Variants in BRPF1 observed in about 807,000 individuals in gnomAD.
BRPF1 encodes bromodomain and PHD finger containing 1.
A neutral mutation model predicts 115.0 loss-of-function variants in BRPF1; 15 were observed. That is an observed-to-expected ratio of 0.13 (90% confidence interval 0.09 to 0.20). The LOEUF (loss-of-function observed/expected upper bound fraction) is 0.20, where lower values mean the gene tolerates loss of function less well. Ranked by LOEUF, BRPF1 falls within the 10% of genes least tolerant of loss-of-function variation. BRPF1 has a pLI of 1.00. For synonymous variants in BRPF1, 647 were observed against 619.8 expected (o/e 1.04, Z -0.65); for missense variants, 1,118 against 1,638.3 (o/e 0.68, Z 5.48).
At chr3:9,736,722 A>G (rs1170428369) in intron 2 of BRPF1, among the ~76,000 whole-genome samples, 1 of 152,224 alleles carries the variant, frequency 6.6e-6, no homozygotes, top group Non-Finnish European at 1.5e-5. Flanking sequence ...TATTGCATGG[A>G]ATTTGTTACC....
rs561984667 is a variant in BRPF1, at chr3:9,745,760, C to G, written c.3205+51C>G. Reference sequence around the variant, plus strand: ...GATGCTGGGGACCCAGTGTCAGGGTCTCGCCAGCCCCCCAGCTGCTGATCC... The same window carrying G: ...GATGCTGGGGACCCAGTGTCAGGGTGTCGCCAGCCCCCCAGCTGCTGATCC... On this transcript the variant is annotated intron_variant, in intron 11 of 13. Transcript: ENST00000383829. This position sits in a 1 kb window ranked among gnomAD's most constrained non-coding sequence, Gnocchi z 5.1. 6.2e-7 allele frequency: 1 copy of G among 1,610,816 alleles called. No individual in the cohort carries two copies. Among genetic ancestry groups the G allele is most frequent in the South Asian group, 1.1e-5 (1 of 91,016 alleles).
At chr3:9,732,787 G>A (rs1373479144) in intron 1 of BRPF1, 1 of 152,322 alleles carries the variant, frequency 6.6e-6, no homozygotes, top group Non-Finnish European at 1.5e-5. Flanking sequence ...GCCTGGTTAA[G>A]GCACAGGTGG....
intron 8 of BRPF1, among the ~76,000 whole-genome samples, 153 bp downstream of exon 8, chr3:9,744,054 C>G (rs1232699812): frequency 6.6e-6 from 1 of 152,212 alleles, no homozygotes; most frequent in Non-Finnish European, 1.5e-5. Flanking sequence ...TCTTAGCTGC[C>G]TCTCTGGCTA....
Position 9,747,214 on chromosome 3 carries a change from C to T in BRPF1, c.3528C>T (p.Asp1176=). The change falls in exon 14 of 14, where the codon GAC becomes GAT. Residue 1176 remains aspartate (D), a synonymous_variant. Transcript: ENST00000383829. The surrounding 1 kb of genome is among the most constrained non-coding windows in gnomAD (Gnocchi z 5.6). ...TKLVPLGVNQ[D]LDKEKMLEGR... Reference sequence around the variant, plus strand: ...TGGTTCCTCTGGGTGTGAACCAGGACCTAGACAAGGAGAAGATGCTGGAGG... The same window carrying T: ...TGGTTCCTCTGGGTGTGAACCAGGATCTAGACAAGGAGAAGATGCTGGAGG... 6.2e-7 allele frequency: 1 copy of T among 1,614,136 alleles called. No individual in the cohort carries two copies.
chr3:9,747,169 G>A lies in BRPF1; in HGVS notation c.3483G>A (p.Gln1161=). The part of the protein sequence containing the change: ...VLFFDNKRTW[Q]WLPRTKLVPL... Reference sequence around the variant, plus strand: ...TGATCTTCACCTTATCCTATAGGCAGTGGCTGCCCAGGACCAAGCTGGTTC... The same window carrying A: ...TGATCTTCACCTTATCCTATAGGCAATGGCTGCCCAGGACCAAGCTGGTTC... Residue 1161 remains glutamine, a synonymous_variant, in exon 14 of 14, where the codon CAG becomes CAA. Coordinates refer to ENST00000383829, the MANE Select transcript of BRPF1 (RefSeq NM_001003694.2). The surrounding 1 kb of genome is among the most constrained non-coding windows in gnomAD (Gnocchi z 5.6). 1 of 1,614,158 alleles carries A rather than the reference G, an allele frequency of 6.2e-7. No individual in the cohort carries two copies. Among genetic ancestry groups the A allele is most frequent in the Non-Finnish European group, 8.5e-7 (1 of 1,180,036 alleles).
At chr3:9,740,713 A>G in intron 3 of BRPF1, 66 bp from the exon 4 acceptor site, 1 of 1,574,608 alleles carries the variant, frequency 6.4e-7, no homozygotes, top group Non-Finnish European at 8.7e-7. Flanking sequence ...CACTGGCCAG[A>G]GACCCTTGCT....
Position 9,747,884 on chromosome 3 carries a change from A to AG in BRPF1, c.*535_*536insG, listed in dbSNP as rs935966878. On this transcript the variant is annotated 3_prime_UTR_variant, in exon 14 of 14. Coordinates refer to ENST00000383829, the MANE Select transcript of BRPF1 (RefSeq NM_001003694.2). The surrounding 1 kb of genome is among the most constrained non-coding windows in gnomAD (Gnocchi z 5.6). Reference sequence around the variant, plus strand: ...GAGTCATTTGGTACTAAAAAAAAAAAAAAAAAAGACTGGGGGCTGTCCCCA... The same window carrying AG: ...GAGTCATTTGGTACTAAAAAAAAAAAGAAAAAAAGACTGGGGGCTGTCCCCA... 2 of 152,718 alleles carry AG rather than the reference A, an allele frequency of 1.3e-5. No individual in the cohort carries two copies. The highest frequency in any genetic ancestry group is 4.8e-5 in the African/African-American group (2 of 41,444). 9.5% of individuals were successfully genotyped at this position (152,718 alleles called of 1,614,324 possible). A position where few individuals can be genotyped will look rare whatever the true frequency, so the allele number is the denominator to read the frequency against.
chr3:9,740,952 C>T lies in BRPF1; in HGVS notation c.1722+11C>T. The T allele has an allele frequency of 1.2e-6, 2 of 1,607,516 alleles. No individual in the cohort carries two copies. The highest frequency in any genetic ancestry group is 1.7e-6 in the Non-Finnish European group (2 of 1,178,304). Reference sequence around the variant, plus strand: ...TGTGACCAAGTTGGGGTACTGTGTCCAGTTCCCTGTGGGCTCTGGGAACTA... The same window carrying T: ...TGTGACCAAGTTGGGGTACTGTGTCTAGTTCCCTGTGGGCTCTGGGAACTA... On this transcript the variant is annotated intron_variant, in intron 4 of 13. Coordinates refer to ENST00000383829, the MANE Select transcript of BRPF1 (RefSeq NM_001003694.2).
intron 1 of BRPF1, chr3:9,733,049 T>TC (rs2076881617): frequency 6.6e-6 from 1 of 152,228 alleles, no homozygotes; most frequent in Non-Finnish European, 1.5e-5. Context: ...CGCGTTCGTG[T>TC]TTGTACCCTT....
At position 9,731,980 on chromosome 3, in the gene BRPF1, GA is replaced by G. The variant is rs1407640560; in HGVS notation, c.-168del. The G allele has an allele frequency of 2.0e-5, 3 of 152,354 alleles. No individual in the cohort carries two copies. Among genetic ancestry groups the G allele is most frequent in the Non-Finnish European group, 4.4e-5 (3 of 68,148 alleles). 9.4% of individuals were successfully genotyped at this position (152,354 alleles called of 1,614,324 possible). A position where few individuals can be genotyped will look rare whatever the true frequency, so the allele number is the denominator to read the frequency against. On this transcript the variant is annotated 5_prime_UTR_variant, in exon 1 of 14. Transcript: ENST00000383829. The stretch of plus-strand genomic sequence containing the variant: ...CAGCTCAGGAATCCCGGGGAGCCGG[GA>G]CCAAAGCGTGGGGCGGCAGGGGGCC...
At position 9,734,355 on chromosome 3, in the gene BRPF1, A is replaced by G; in HGVS notation, c.215A>G (p.Asn72Ser). Residue 72 changes from asparagine (N) to serine (S), a missense_variant, in exon 2 of 14, where the codon AAC becomes AGC. Coordinates refer to ENST00000383829, the MANE Select transcript of BRPF1 (RefSeq NM_001003694.2). The surrounding 1 kb of genome is among the most constrained non-coding windows in gnomAD (Gnocchi z 5.7). The part of the protein sequence containing the change: ...KKKGRQSRPA[N>S]KQSPSPSEVS... ...AAGGGGCGCCAGTCACGCCCAGCCA[A>G]CAAGCAGTCACCCAGCCCCTCAGAG... 9 of 1,614,060 alleles carry G rather than the reference A, an allele frequency of 5.6e-6. No homozygotes were observed. The highest frequency in any genetic ancestry group is 7.6e-6 in the Non-Finnish European group (9 of 1,180,002).
At position 9,745,398 on chromosome 3, in the gene BRPF1, A is replaced by G. The variant is rs1025330058; in HGVS notation, c.3069-175A>G. Among the ~76,000 whole-genome samples the G allele has an allele frequency of 6.6e-6, 1 of 152,174 alleles. No homozygotes were observed. The highest frequency in any genetic ancestry group is 1.5e-5 in the Non-Finnish European group (1 of 68,024). Reference sequence around the variant, plus strand: ...CTGCCGCCACTGCTCAGGCTAACCCACCTCTGTTAGGTCATCAGCCTAGCC... The same window carrying G: ...CTGCCGCCACTGCTCAGGCTAACCCGCCTCTGTTAGGTCATCAGCCTAGCC... On this transcript the variant is annotated intron_variant, in intron 10 of 13. Coordinates refer to ENST00000383829, the MANE Select transcript of BRPF1 (RefSeq NM_001003694.2). This position sits in a 1 kb window ranked among gnomAD's most constrained non-coding sequence, Gnocchi z 5.1.
In BRPF1 at chr3:9,743,424, G is replaced by T. The variant is rs2077065214; in HGVS notation, c.2312-154G>T. The T allele has an allele frequency of 8.4e-7, 1 of 1,189,184 alleles. No individual in the cohort carries two copies. The highest frequency in any genetic ancestry group is 1.2e-6 in the Non-Finnish European group (1 of 853,232). The allele number at this position is 1,189,184 out of a possible 1,614,324, so 73.7% of individuals were successfully genotyped here. A position where few individuals can be genotyped will look rare whatever the true frequency, so the allele number is the denominator to read the frequency against. ...AGCCAGACTGGGTGAATGGATAGCA[G>T]TGCCCGCCATTCCACATCTTGGTGC... On this transcript the variant is annotated intron_variant, in intron 7 of 13. Coordinates refer to ENST00000383829, the MANE Select transcript of BRPF1 (RefSeq NM_001003694.2). This position sits in a 1 kb window ranked among gnomAD's most constrained non-coding sequence, Gnocchi z 6.1.
At chr3:9,735,667 TAAAC>T (rs1408203976) in intron 2 of BRPF1, among the ~76,000 whole-genome samples, 1 of 152,250 alleles carries the variant, frequency 6.6e-6, no homozygotes. Flanking sequence ...ATTTTATACT[TAAAC>T]AATATTTAAT....
Position 9,744,481 on chromosome 3 carries a change from G to A in BRPF1, c.2893G>A (p.Asp965Asn). 5 of 1,563,800 alleles carry A rather than the reference G, an allele frequency of 3.2e-6. No homozygotes were observed. Among genetic ancestry groups the A allele is most frequent in the Non-Finnish European group, 4.3e-6 (5 of 1,156,098 alleles). ...CAGTTCGAGCTCAGACAGCGACAGT[G>A]ATAAGTCCACAGAAGACCCCCCAAT... The part of the protein sequence containing the change: ...RPSSSSDSDS[D>N]KSTEDPPMDL... The change falls in exon 9 of 14, where the codon GAT becomes AAT. Residue 965 changes from aspartate (D) to asparagine (N), a missense_variant. Asp to Asn is a conservative substitution (Grantham distance 23). This residue lies in a region of BRPF1 where 92 missense variants were observed against 102.2 expected (regional missense o/e 0.90). Coordinates refer to ENST00000383829, the MANE Select transcript of BRPF1 (RefSeq NM_001003694.2).
rs762050824 is a variant in BRPF1 at position 9,743,667 on chromosome 3, G to A, written c.2401G>A (p.Glu801Lys). 3 of 1,614,176 alleles carry A rather than the reference G, an allele frequency of 1.9e-6. No individual in the cohort carries two copies. Among genetic ancestry groups the A allele is most frequent in the Admixed American group, 1.7e-5 (1 of 60,024 alleles). The change falls in exon 8 of 14, where the codon GAA (glutamate) becomes AAA (lysine). Residue 801 changes from glutamate to lysine, a missense_variant. Physicochemically the swap from Glu to Lys is moderately conservative, Grantham distance 56. Around this residue, in one of 10 missense-constraint regions of BRPF1, gnomAD observed 223 missense variants for 240.7 expected, o/e 0.93. Coordinates refer to ENST00000383829, the MANE Select transcript of BRPF1 (RefSeq NM_001003694.2). The surrounding 1 kb of genome is among the most constrained non-coding windows in gnomAD (Gnocchi z 6.1). ...QLKLLLERLDEVNASKQSVGR... is the reference protein window; with the variant it reads ...QLKLLLERLDKVNASKQSVGR... ...AAAGCTGCTTCTGGAGCGGCTGGACGAAGTGAATGCCAGCAAGCAGAGTGT... is the reference window on the plus strand; with the variant it reads ...AAAGCTGCTTCTGGAGCGGCTGGACAAAGTGAATGCCAGCAAGCAGAGTGT...
At position 9,733,177 on chromosome 3, in the gene BRPF1, TCTC is replaced by T. The variant is rs1393938134; in HGVS notation, c.-10-951_-10-949del. 3 of 152,308 alleles carry T rather than the reference TCTC, an allele frequency of 2.0e-5. No individual in the cohort carries two copies. The South Asian group carries it at 6.2e-4, about 32-fold the overall frequency. 9.4% of individuals were successfully genotyped at this position (152,308 alleles called of 1,614,324 possible). On this transcript the variant is annotated intron_variant, in intron 1 of 13. Coordinates refer to ENST00000383829, the MANE Select transcript of BRPF1 (RefSeq NM_001003694.2). ...AGTTTTCACTTTGTTTCACAGTACA[TCTC>T]CTACCCAGTACCAGGGCCAGGCTCC... is the stretch of plus-strand genomic sequence containing the variant.
At position 9,739,015 on chromosome 3, in the gene BRPF1, G is replaced by T. The variant is rs769991984; in HGVS notation, c.616G>T (p.Ala206Ser). 1.3e-6 allele frequency: 2 copies of T among 1,578,368 alleles called. No homozygotes were observed. Among genetic ancestry groups the T allele is most frequent in the South Asian group, 2.3e-5 (2 of 85,854 alleles). ...GTACCGTAGGTACATCGAGAAGTCTGCAGAGGAGCTGGACGAGGAAGTAGA... is the reference window on the plus strand; with the variant it reads ...GTACCGTAGGTACATCGAGAAGTCTTCAGAGGAGCTGGACGAGGAAGTAGA... ...TSYYRYIEKSAEELDEEVEYD... is the reference protein window; with the variant it reads ...TSYYRYIEKSSEELDEEVEYD... The change falls in exon 3 of 14, where the codon GCA becomes TCA. Residue 206 changes from alanine to serine, a missense_variant. This residue lies in a region of BRPF1 where 280 missense variants were observed against 382.8 expected (regional missense o/e 0.73). Transcript: ENST00000383829.
chr3:9,741,616 G>A lies in BRPF1; in HGVS notation c.1854+177G>A, dbSNP rs539741325. Among the ~76,000 whole-genome samples the A allele has an allele frequency of 4.3e-5, 6 of 141,022 alleles. No individual in the cohort carries two copies. In the East Asian group the frequency reaches 1.1e-3, roughly 25 times the overall value. 92.5% of individuals were successfully genotyped at this position (141,022 alleles called of 152,430 possible). A position where few individuals can be genotyped will look rare whatever the true frequency, so the allele number is the denominator to read the frequency against. Reference sequence around the variant, plus strand: ...CGTGCCACTGTACTCCAGCCTGGGCGACAGAGCGAGACTCCGTCTCAAAAA... The same window carrying A: ...CGTGCCACTGTACTCCAGCCTGGGCAACAGAGCGAGACTCCGTCTCAAAAA... On this transcript the variant is annotated intron_variant, in intron 5 of 13. Coordinates refer to ENST00000383829, the MANE Select transcript of BRPF1 (RefSeq NM_001003694.2).
Sources: allele counts gnomAD v4.1 joint callset (sites outside exome capture counted in the v4.1 genomes callset), GRCh38; gene constraint gnomAD v4.1.1; regional missense constraint gnomAD v4.1.1; non-coding constraint Gnocchi (gnomAD v3.1); transcripts MANE v1.5; gene names NCBI Gene and HGNC (gene_info 2026-07-23, HGNC 2026-07-21).